Variants in AK5 observed in about 807,000 individuals in gnomAD.
AK5 encodes adenylate kinase isoenzyme 5.
AK5 carries 27 observed loss-of-function variants against 69.5 expected under a neutral mutation model. That is an observed-to-expected ratio of 0.39 (90% CI 0.29 to 0.54). The LOEUF is 0.54. AK5 is among the 20% of genes least tolerant of loss of function. The pLI is 0.71. For missense variants in AK5, 531 were observed against 700.4 expected (o/e 0.76, Z 2.73); for synonymous variants, 260 against 244.4 (o/e 1.06, Z -0.60).
chr1:77,509,741 G>T (rs936538078), intron 10 of AK5, among the ~76,000 whole-genome samples: 10 of 152,214 alleles, frequency 6.6e-5, no homozygotes, highest in Non-Finnish European at 1.0e-4. Context: ...CACCTTTAAA[G>T]GTGTTAAAAC....
intron 6 of AK5, among the ~76,000 whole-genome samples, chr1:77,383,681 C>G (rs1001167898): frequency 2.6e-5 from 4 of 152,004 alleles, no homozygotes; most frequent in Admixed American, 2.0e-4. Context: ...GTCAAAGTTA[C>G]TACAATTCCA....
intron 8 of AK5, among the ~76,000 whole-genome samples, chr1:77,434,573 A>T (rs1413660271): frequency 6.6e-6 from 1 of 152,192 alleles, no homozygotes; most frequent in Non-Finnish European, 1.5e-5. Context: ...ACAATACAGA[A>T]AGTTCCATGG....
At chr1:77,425,706 A>G (rs188403001) in intron 8 of AK5, among the ~76,000 whole-genome samples, 1 of 152,362 alleles carries the variant, frequency 6.6e-6, no homozygotes, top group East Asian at 1.9e-4. Flanking sequence ...CTTATTCTTA[A>G]TTGATCTAAC....
At chr1:77,302,088 C>T (rs903785162) in intron 5 of AK5, among the ~76,000 whole-genome samples, 10 of 152,056 alleles carry the variant, frequency 6.6e-5, no homozygotes, top group African/African-American at 2.2e-4. Context: ...TTTGTGGAGA[C>T]AGGGGCTCCC....
Position 77,282,201 on chromosome 1 carries a change from G to A in AK5, c.-113G>A. The stretch of plus-strand genomic sequence containing the variant: ...CTGAGCTGAGTGCGCGTGAGAAAGA[G>A]GGCTGCACCGCTGCTCGGCGCGGAC... On this transcript the variant is annotated 5_prime_UTR_variant, in exon 1 of 14. Coordinates refer to ENST00000354567, the MANE Select transcript of AK5 (RefSeq NM_174858.3). 3 of 989,142 alleles carry A rather than the reference G, an allele frequency of 3.0e-6. No individual in the cohort carries two copies. The highest frequency in any genetic ancestry group is 2.9e-6 in the Non-Finnish European group (2 of 678,692). The allele number at this position is 989,142 out of a possible 1,614,324, so 61.3% of individuals were successfully genotyped here. A position where few individuals can be genotyped will look rare whatever the true frequency, so the allele number is the denominator to read the frequency against.
At chr1:77,482,920 C>G (rs1655344981) in intron 8 of AK5, among the ~76,000 whole-genome samples, 1 of 144,194 alleles carries the variant, frequency 6.9e-6, no homozygotes, top group Non-Finnish European at 1.5e-5. Context: ...ACACCTACCA[C>G]TAAGCTTCTG....
At chr1:77,414,198 C>T (rs185633564) in intron 7 of AK5, among the ~76,000 whole-genome samples, 29 of 152,248 alleles carry the variant, frequency 1.9e-4, no homozygotes, top group Admixed American at 7.2e-4. Context: ...AGAAATGAAA[C>T]ACAACCCTTA....
chr1:77,315,865 C>T (rs1660218364), intron 5 of AK5, among the ~76,000 whole-genome samples: 1 of 151,366 alleles, frequency 6.6e-6, no homozygotes, highest in African/African-American at 2.5e-5. Context: ...GATGTGTGCA[C>T]CCTACTTAAG....
At chr1:77,363,654 C>T (rs4949794) in intron 6 of AK5, among the ~76,000 whole-genome samples, 17,522 of 152,144 alleles carry the variant, frequency 0.12, 1,117 homozygotes, top group Middle Eastern at 0.14. Flanking sequence ...ACTGTCCCCC[C>T]ACTGTTGTTA....
intron 8 of AK5, among the ~76,000 whole-genome samples, chr1:77,432,140 T>A (rs1651681170): frequency 6.6e-6 from 1 of 152,222 alleles, no homozygotes; most frequent in African/African-American, 2.4e-5. Context: ...CTATTTTGAT[T>A]CTGATAACTT....
chr1:77,397,485 C>T (rs1648909231), intron 6 of AK5, among the ~76,000 whole-genome samples: 1 of 152,214 alleles, frequency 6.6e-6, no homozygotes, highest in African/African-American at 2.4e-5. Context: ...AACATTAGCA[C>T]AATTTTTCTA....
intron 8 of AK5, among the ~76,000 whole-genome samples, chr1:77,446,876 G>A (rs1218868279): frequency 6.6e-6 from 1 of 152,228 alleles, no homozygotes; most frequent in Non-Finnish European, 1.5e-5. Context: ...TTAGCAAGTT[G>A]TAGCTGACAC....
intron 13 of AK5, among the ~76,000 whole-genome samples, chr1:77,545,311 A>G (rs1362186730): frequency 6.6e-6 from 1 of 152,022 alleles, no homozygotes; most frequent in Non-Finnish European, 1.5e-5. Flanking sequence ...TTTTTACTAC[A>G]GACACACACA....
chr1:77,377,233 A>G (rs1330323123), intron 6 of AK5, among the ~76,000 whole-genome samples: 2 of 152,162 alleles, frequency 1.3e-5, no homozygotes, highest in Non-Finnish European at 2.9e-5. Flanking sequence ...GTGTCACACA[A>G]CCAACTGAGT....
intron 8 of AK5, among the ~76,000 whole-genome samples, chr1:77,427,392 A>G (rs1437855804): frequency 6.6e-6 from 1 of 152,172 alleles, no homozygotes; most frequent in African/African-American, 2.4e-5. Flanking sequence ...CGAATTTGAT[A>G]TGAAATGGAC....
intron 6 of AK5, among the ~76,000 whole-genome samples, chr1:77,387,238 G>C (rs1323564205): frequency 1.3e-5 from 2 of 152,192 alleles, no homozygotes; most frequent in African/African-American, 4.8e-5. Context: ...AGTCAAGAAG[G>C]AGTTAAGCAA....
At chr1:77,304,887 A>G (rs1334627768) in intron 5 of AK5, among the ~76,000 whole-genome samples, 4 of 152,098 alleles carry the variant, frequency 2.6e-5, no homozygotes, top group African/African-American at 9.7e-5. Context: ...TGGGAGCTTC[A>G]TTTTTAGTTT....
chr1:77,343,115 TA>T (rs1226104430), intron 6 of AK5, among the ~76,000 whole-genome samples: 2 of 152,230 alleles, frequency 1.3e-5, no homozygotes, highest in African/African-American at 4.8e-5. Context: ...AGTTATGTGT[TA>T]TAATTGTGAT....
intron 5 of AK5, 167 bp downstream of exon 5, chr1:77,298,114 C>T: frequency 9.3e-6 from 4 of 427,860 alleles, no homozygotes; most frequent in Non-Finnish European, 1.2e-5. Context: ...CTTTGGCAAA[C>T]ACTTAAAAAT....
Sources: allele counts gnomAD v4.1 joint callset (sites outside exome capture counted in the v4.1 genomes callset), GRCh38; gene constraint gnomAD v4.1.1; transcripts MANE v1.5; gene names NCBI Gene and HGNC (gene_info 2026-07-23, HGNC 2026-07-21).